RPTOR: variants seen among roughly 807,000 people sequenced by gnomAD.
RPTOR encodes the protein regulatory associated protein of MTOR complex 1, also known as regulatory-associated protein of mTOR.
Under a neutral mutation model 169.9 loss-of-function variants are expected in RPTOR, and 21 were observed. The ratio of observed to expected loss-of-function variants is 0.12; its 90% CI spans 0.09 to 0.18. RPTOR has a LOEUF of 0.18. Among genes scored for constraint, RPTOR ranks in the 10% least tolerant of loss-of-function variants. The pLI is 1.00. For synonymous variants in RPTOR, 732 were observed against 753.2 expected (o/e 0.97, Z 0.46); for missense variants, 1,133 against 1,855.9 (o/e 0.61, Z 7.16).
intron 2 of RPTOR, among the ~76,000 whole-genome samples, chr17:80,634,690 TGTGCGTGTGC>T (rs2065486883): frequency 1.0e-5 from 1 of 98,022 alleles, no homozygotes. Context: ...GTGCGTACTG[TGTGCGTGTGC>T]GTACTGTGTG....
chr17:80,725,519 G>T (rs1156890432), intron 4 of RPTOR, among the ~76,000 whole-genome samples: 1 of 152,184 alleles, frequency 6.6e-6, no homozygotes, highest in East Asian at 1.9e-4. Context: ...TGTATACAGG[G>T]GGCTTTTCAA....
At chr17:80,752,097 C>A (rs184761997) in intron 5 of RPTOR, among the ~76,000 whole-genome samples, 2 of 152,260 alleles carry the variant, frequency 1.3e-5, no homozygotes, top group Non-Finnish European at 2.9e-5. Context: ...CATGCCCAGG[C>A]ATCACATTTC....
At chr17:80,910,907 T>C (rs2068604927) in intron 21 of RPTOR, among the ~76,000 whole-genome samples, 2 of 151,570 alleles carry the variant, frequency 1.3e-5, no homozygotes, top group South Asian at 2.1e-4. Context: ...CTCAGCTCAC[T>C]GCAGCCTCCG....
chr17:80,728,748 T>C (rs1435552156), intron 4 of RPTOR, among the ~76,000 whole-genome samples: 1 of 151,750 alleles, frequency 6.6e-6, no homozygotes, highest in Non-Finnish European at 1.5e-5. Flanking sequence ...CTTTTTTTTT[T>C]CTCTGTACTA....
At chr17:80,793,106 C>T (rs2067066274) in intron 7 of RPTOR, among the ~76,000 whole-genome samples, 1 of 152,136 alleles carries the variant, frequency 6.6e-6, no homozygotes, top group South Asian at 2.1e-4. Flanking sequence ...TGATTCTGGC[C>T]GTGCCAGGCC....
rs2069413352 is a variant in RPTOR at position 80,965,358 on chromosome 17, G to A, written c.*1028G>A. ...TGCCGGGTCCCGGACGGCTCCGGGTGACACCAGCCCCGTCTCCAGCCTTGA... is the reference window on the plus strand; with the variant it reads ...TGCCGGGTCCCGGACGGCTCCGGGTAACACCAGCCCCGTCTCCAGCCTTGA... On this transcript the variant is annotated 3_prime_UTR_variant, in exon 34 of 34. Transcript: ENST00000306801. 1 of 233,262 alleles carries A rather than the reference G, an allele frequency of 4.3e-6. No homozygotes were observed. The highest frequency in any genetic ancestry group is 8.5e-6 in the Non-Finnish European group (1 of 118,110). The allele number at this position is 233,262 out of a possible 1,614,324, so 14.4% of individuals were successfully genotyped here. A position where few individuals can be genotyped will look rare whatever the true frequency, so the allele number is the denominator to read the frequency against.
In RPTOR at chr17:80,945,756, G is replaced by A. The variant is rs368881284; in HGVS notation, c.3115G>A (p.Ala1039Thr). Residue 1039 changes from alanine to threonine, a missense_variant, in exon 26 of 34, where the codon GCC becomes ACC. Coordinates refer to ENST00000306801, the MANE Select transcript of RPTOR (RefSeq NM_020761.3). ...VKFHPFTPCI[A>T]VADKDSICFW... is the part of the protein sequence containing the mutation. ...ATTCCACCCCTTCACGCCGTGCATC[G>A]CCGTAGCCGACAAGGACAGCATCTG... 20 of 1,610,480 alleles carry A rather than the reference G, an allele frequency of 1.2e-5. No homozygotes were observed. The highest frequency in any genetic ancestry group is 5.4e-5 in the African/African-American group (4 of 74,330).
At chr17:80,908,065 G>T (rs2068565906) in intron 20 of RPTOR, among the ~76,000 whole-genome samples, 1 of 152,208 alleles carries the variant, frequency 6.6e-6, no homozygotes, top group Non-Finnish European at 1.5e-5. Flanking sequence ...CTGTAGGATT[G>T]CTGGGGAATT....
intron 3 of RPTOR, among the ~76,000 whole-genome samples, chr17:80,681,048 C>T (rs1310686213): frequency 1.3e-5 from 2 of 152,080 alleles, no homozygotes; most frequent in Non-Finnish European, 2.9e-5. Flanking sequence ...GACGGGGCTT[C>T]AAGGCATGCA....
intron 9 of RPTOR, among the ~76,000 whole-genome samples, chr17:80,824,409 T>C (rs1396100428): frequency 6.6e-6 from 1 of 152,190 alleles, no homozygotes; most frequent in Non-Finnish European, 1.5e-5. Context: ...GAGACAGGTG[T>C]TTGAAAAGCC....
chr17:80,596,961 C>T (rs2065149074), intron 1 of RPTOR, among the ~76,000 whole-genome samples: 1 of 152,182 alleles, frequency 6.6e-6, no homozygotes, highest in African/African-American at 2.4e-5. Context: ...CAGTGCTGGA[C>T]AGCCGATTCG....
chr17:80,614,468 T>C (rs2065294037), intron 1 of RPTOR, among the ~76,000 whole-genome samples: 1 of 152,276 alleles, frequency 6.6e-6, no homozygotes, highest in Admixed American at 6.5e-5. Context: ...ATTCCTGTGT[T>C]GGCTTCTGCG....
intron 2 of RPTOR, among the ~76,000 whole-genome samples, chr17:80,641,232 GA>G (rs1462156460): frequency 3.9e-5 from 6 of 152,222 alleles, no homozygotes; most frequent in Non-Finnish European, 7.3e-5. Flanking sequence ...TGAAGTCACA[GA>G]TTACGGATTA....
intron 2 of RPTOR, among the ~76,000 whole-genome samples, chr17:80,642,534 T>A (rs752709821): frequency 2.0e-5 from 3 of 152,192 alleles, no homozygotes; most frequent in Non-Finnish European, 4.4e-5. Context: ...ATCTGTATAG[T>A]TCAATGAGCT....
chr17:80,858,303 G>T (rs1373647064), intron 13 of RPTOR, among the ~76,000 whole-genome samples: 1 of 152,222 alleles, frequency 6.6e-6, no homozygotes, highest in Non-Finnish European at 1.5e-5. Flanking sequence ...CCCCGCATTG[G>T]CTCTCCTGTG....
intron 2 of RPTOR, among the ~76,000 whole-genome samples, chr17:80,638,997 C>G (rs2065531419): frequency 6.6e-6 from 1 of 152,156 alleles, no homozygotes; most frequent in African/African-American, 2.4e-5. Context: ...GTCCCAGATG[C>G]CTGCAGCTGT....
chr17:80,727,046 TGG>T (rs2066341831), intron 4 of RPTOR, among the ~76,000 whole-genome samples: 1 of 152,052 alleles, frequency 6.6e-6, no homozygotes. Flanking sequence ...TGCGAGAACG[TGG>T]GCGCTACACC....
At chr17:80,910,688 G>T (rs1315120256) in intron 21 of RPTOR, among the ~76,000 whole-genome samples, 1 of 152,078 alleles carries the variant, frequency 6.6e-6, no homozygotes, top group Non-Finnish European at 1.5e-5. Context: ...GTCCTGGCCG[G>T]CCATCGAGCC....
At chr17:80,798,757 A>G (rs1383625031) in intron 7 of RPTOR, among the ~76,000 whole-genome samples, 1 of 152,220 alleles carries the variant, frequency 6.6e-6, no homozygotes, top group Non-Finnish European at 1.5e-5. Flanking sequence ...AAATTTATTT[A>G]TAAGTACCCA....
Sources: gnomAD v4.1 joint callset for allele counts (sites outside exome capture counted in the v4.1 genomes callset) on GRCh38, gnomAD v4.1.1 for gene constraint, MANE v1.5 for transcripts, NCBI Gene and HGNC (gene_info 2026-07-23, HGNC 2026-07-21) for gene names.